Variants in TIAM2 observed in about 807,000 individuals in gnomAD.
TIAM2 encodes rho guanine nucleotide exchange factor TIAM2.
Under a neutral mutation model 152.9 loss-of-function variants are expected in TIAM2, and 80 were observed. That is an observed-to-expected ratio of 0.52 (90% confidence interval 0.44 to 0.63). The LOEUF is 0.63. TIAM2 is among the 30% of genes least tolerant of loss of function. The pLI is 0.00. For synonymous variants in TIAM2, 804 were observed against 838.0 expected, an observed-to-expected ratio of 0.96 and a Z score of 0.70; for missense variants, 1,965 against 2,120.1, an observed-to-expected ratio of 0.93 and a Z score of 1.44.
chr6:155,213,754 C>T lies in TIAM2; in HGVS notation c.3168+2447C>T, dbSNP rs1048705183. The stretch of plus-strand genomic sequence containing the variant: ...GGCCAGGGCCGAGCTGCCCTCAGTC[C>T]CCTCCTTGGCCTGCCTCCCATGCTC... On this transcript the variant is annotated intron_variant, in intron 15 of 26. Transcript: ENST00000682666. This position sits in a 1 kb window ranked among gnomAD's most constrained non-coding sequence, Gnocchi z 4.2. 6.6e-6 allele frequency among the ~76,000 whole-genome samples: 1 copy of T among 152,210 alleles called. No individual in the cohort carries two copies. Among genetic ancestry groups the T allele is most frequent in the African/African-American group, 2.4e-5 (1 of 41,462 alleles).
At chr6:155,183,034 A>G (rs1036318503) in intron 13 of TIAM2, among the ~76,000 whole-genome samples, 2 of 152,222 alleles carry the variant, frequency 1.3e-5, no homozygotes, top group African/African-American at 4.8e-5. Flanking sequence ...CCTGGGCTCA[A>G]GTGATCTTCC....
At chr6:155,121,630 G>A (rs2115023956) in intron 2 of TIAM2, among the ~76,000 whole-genome samples, 1 of 152,242 alleles carries the variant, frequency 6.6e-6, no homozygotes, top group Non-Finnish European at 1.5e-5. Context: ...ATATTGCTAT[G>A]GTTAATGATG....
intron 15 of TIAM2, among the ~76,000 whole-genome samples, chr6:155,221,657 G>C (rs968925677): frequency 2.0e-5 from 3 of 152,162 alleles, no homozygotes; most frequent in Admixed American, 2.0e-4. Context: ...TGCCAGAGCT[G>C]CTTGAGGTCT....
chr6:155,037,521 G>T (rs1188750542), intron 1 of TIAM2, among the ~76,000 whole-genome samples: 1 of 151,976 alleles, frequency 6.6e-6, no homozygotes, highest in African/African-American at 2.4e-5. Flanking sequence ...CCTCTGGGCT[G>T]GTTTCTTTTC....
intron 1 of TIAM2, among the ~76,000 whole-genome samples, chr6:155,057,465 C>G (rs985687893): frequency 6.8e-6 from 1 of 147,784 alleles, no homozygotes; most frequent in Non-Finnish European, 1.5e-5. Context: ...TGATGTTAAT[C>G]TTGATCATTT....
chr6:155,091,059 ACATAACCTTCCCAGG>A (rs930787326), intron 2 of TIAM2, among the ~76,000 whole-genome samples: 1 of 152,142 alleles, frequency 6.6e-6, no homozygotes, highest in Non-Finnish European at 1.5e-5. Flanking sequence ...GCTCAGATGA[ACATAACCTTCCCAGG>A]CATAACCTTC....
chr6:155,136,260 A>T (rs944308154), intron 4 of TIAM2, among the ~76,000 whole-genome samples: 1 of 151,524 alleles, frequency 6.6e-6, no homozygotes, highest in African/African-American at 2.4e-5. Flanking sequence ...TAGATAAGGA[A>T]TCCTAAGTGT....
intron 1 of TIAM2, among the ~76,000 whole-genome samples, chr6:155,064,258 G>A (rs1445632206): frequency 6.6e-6 from 1 of 152,126 alleles, no homozygotes. Flanking sequence ...GATGTTGTTG[G>A]TGAGCATTAG....
chr6:155,254,246 G>A, intron 25 of TIAM2, 173 bp from the exon 26 acceptor site: 1 of 1,026,116 alleles, frequency 9.7e-7, no homozygotes, highest in Non-Finnish European at 1.4e-6. Context: ...AAAATCTTAA[G>A]AGTGATCAAT....
intron 9 of TIAM2, among the ~76,000 whole-genome samples, chr6:155,165,879 G>C (rs976333034): frequency 6.6e-6 from 1 of 151,888 alleles, no homozygotes; most frequent in Non-Finnish European, 1.5e-5. Context: ...ACAAGTTGCC[G>C]TATCTATCCC....
rs1183850609 is a variant in TIAM2 at position 154,995,725 on chromosome 6, C to T, written c.-209+233C>T. Among the ~76,000 whole-genome samples the T allele has an allele frequency of 3.3e-5, 5 of 152,270 alleles. No individual in the cohort carries two copies. Among genetic ancestry groups the T allele is most frequent in the African/African-American group, 9.6e-5 (4 of 41,570 alleles). On this transcript the variant is annotated intron_variant, in intron 1 of 26. Coordinates refer to ENST00000682666, the MANE Select transcript of TIAM2 (RefSeq NM_012454.4). This position sits in a 1 kb window ranked among gnomAD's most constrained non-coding sequence, Gnocchi z 5.2. ...GGCAGCGTCCGGGCACAGCCTGGCA[C>T]GGGGGACGAAGCACTTTCCAGAAGG... is the stretch of plus-strand genomic sequence containing the variant.
Position 155,257,234 on chromosome 6 carries a change from CA to C in TIAM2, c.*114del. 8.5e-7 allele frequency: 1 copy of C among 1,170,428 alleles called. No homozygotes were observed. Among genetic ancestry groups the C allele is most frequent in the Non-Finnish European group, 1.2e-6 (1 of 849,322 alleles). The allele number at this position is 1,170,428 out of a possible 1,614,324, so 72.5% of individuals were successfully genotyped here. Reference sequence around the variant, plus strand: ...AAACTGTTCATTCCTGGGTTTTGTGCAGTATACATTTTCCCACAAAATGGTT... The same window carrying C: ...AAACTGTTCATTCCTGGGTTTTGTGCGTATACATTTTCCCACAAAATGGTT... On this transcript the variant is annotated 3_prime_UTR_variant, in exon 27 of 27. Transcript: ENST00000682666.
At chr6:155,111,111 G>A (rs1259661777) in intron 2 of TIAM2, among the ~76,000 whole-genome samples, 1 of 152,152 alleles carries the variant, frequency 6.6e-6, no homozygotes, top group Non-Finnish European at 1.5e-5. Context: ...AAACCAAGTG[G>A]AGAGAATAAA....
At chr6:155,208,119 C>A (rs1011828520) in intron 14 of TIAM2, among the ~76,000 whole-genome samples, 19 of 152,126 alleles carry the variant, frequency 1.2e-4, no homozygotes, top group African/African-American at 4.6e-4. Context: ...GCTGTGAAAT[C>A]CCCATCATCA....
chr6:155,069,917 T>C (rs868189022), intron 1 of TIAM2, among the ~76,000 whole-genome samples: 3,612 of 150,016 alleles, frequency 0.024, 147 homozygotes, highest in African/African-American at 0.083. Context: ...TTTTCTTTTT[T>C]TTTTTTTTTT....
In TIAM2 at chr6:155,172,668, ATATATATATATATATATATTTTTTTTT is replaced by A. The variant is rs1279486946; in HGVS notation, c.2362-4146_2362-4120del. ...TATATATATATATATATATATATAT[ATATATATATATATATATATTTTTTTTT>A]TTTTTTTTTTTTTTTTTCTTTGATG... On this transcript the variant is annotated intron_variant, in intron 9 of 26. Transcript: ENST00000682666. Among the ~76,000 whole-genome samples the A allele has an allele frequency of 2.4e-3, 26 of 10,872 alleles. 2 individuals carry two copies. The highest frequency in any genetic ancestry group is 7.4e-3 in the East Asian group (3 of 408). The allele number at this position is 10,872 out of a possible 152,430, so 7.1% of individuals were successfully genotyped here.
chr6:155,153,622 T>TTTA (rs963927118), intron 7 of TIAM2, among the ~76,000 whole-genome samples: 2 of 29,284 alleles, frequency 6.8e-5, no homozygotes, highest in African/African-American at 1.9e-4. Flanking sequence ...CTGTTTACGC[T>TTTA]TTTTTTTTTT....
chr6:155,182,860 A>AG (rs1454707767), intron 13 of TIAM2, among the ~76,000 whole-genome samples: 3 of 152,356 alleles, frequency 2.0e-5, no homozygotes, highest in Admixed American at 6.5e-5. Flanking sequence ...CAGTGAGCTG[A>AG]GATCTTTCAA....
intron 18 of TIAM2, 100 bp from the exon 19 acceptor site, chr6:155,245,523 G>A: frequency 2.0e-6 from 2 of 983,680 alleles, no homozygotes; most frequent in South Asian, 1.4e-5. Context: ...AGGCATTAGT[G>A]CTATGGAATC....
Sources: gnomAD v4.1 joint callset for allele counts (sites outside exome capture counted in the v4.1 genomes callset) on GRCh38, gnomAD v4.1.1 for gene constraint, Gnocchi (gnomAD v3.1) non-coding constraint, MANE v1.5 for transcripts, NCBI Gene and HGNC (gene_info 2026-07-23, HGNC 2026-07-21) for gene names.